Variants in SEMA3B observed in about 807,000 individuals in gnomAD.
SEMA3B encodes semaphorin-3B.
Under a neutral mutation model 77.8 loss-of-function variants are expected in SEMA3B, and 71 were observed. The ratio of observed to expected loss-of-function variants is 0.91; its 90% CI spans 0.75 to 1.11. The LOEUF (loss-of-function observed/expected upper bound fraction) is 1.11, where lower values mean the gene tolerates loss of function less well. Among genes scored for constraint, SEMA3B ranks in the 50% most tolerant of loss-of-function variants. SEMA3B has a pLI of 0.00. For missense variants in SEMA3B, 968 were observed against 1,056.8 expected (o/e 0.92, Z 1.17); for synonymous variants, 470 against 452.9 (o/e 1.04, Z -0.48).
At position 50,271,360 on chromosome 3, in the gene SEMA3B, G is replaced by A. The variant is rs1553705345; in HGVS notation, c.545-1G>A. On this transcript the variant is annotated splice_acceptor_variant, in intron 5 of 16. Transcript: ENST00000616701. LOFTEE classifies it high-confidence loss of function. ...CTGAGTGGCCCTTGCTCTGTCTGCA[G>A]GGGAGGAGCTATACTCAGGGGTGGC... 6.4e-7 allele frequency: 1 copy of A among 1,573,202 alleles called. No individual in the cohort carries two copies. Among genetic ancestry groups the A allele is most frequent in the Admixed American group, 1.9e-5 (1 of 53,528 alleles).
chr3:50,273,949 C>A lies in SEMA3B; in HGVS notation c.1029C>A (p.Ser343Arg). 1.2e-6 allele frequency: 2 copies of A among 1,613,516 alleles called. No homozygotes were observed. The highest frequency in any genetic ancestry group is 1.7e-6 in the Non-Finnish European group (2 of 1,179,612). ...AGGGCTCTGCGGTGTGCGTGTACAG[C>A]ATGAACGACGTGCGCCGGGCCTTCT... is the stretch of plus-strand genomic sequence containing the variant. The part of the protein sequence containing the change: ...IFQGSAVCVY[S>R]MNDVRRAFLG... Residue 343 changes from serine (S) to arginine (R), a missense_variant, in exon 10 of 17, where the codon AGC becomes AGA. Ser to Arg is a moderately radical substitution (Grantham distance 110). Transcript: ENST00000616701. This position sits in a 1 kb window ranked among gnomAD's most constrained non-coding sequence, Gnocchi z 6.5.
rs781930125 is a variant in SEMA3B at position 50,275,657 on chromosome 3, C to T, written c.1705+42C>T. On this transcript the variant is annotated intron_variant, in intron 15 of 16. Coordinates refer to ENST00000616701, the MANE Select transcript of SEMA3B (RefSeq NM_001290060.2). The surrounding 1 kb of genome is among the most constrained non-coding windows in gnomAD (Gnocchi z 7.5). ...CCCCTACCCTCAGCCCCAGAAGACG[C>T]CCCACCTGCCCTGCCTTGCCTAAAT... 1.6e-5 allele frequency: 26 copies of T among 1,613,292 alleles called. No individual in the cohort carries two copies. The Admixed American group carries it at 1.8e-4, about 11-fold the overall frequency.
Position 50,276,541 on chromosome 3 carries a change from G to T in SEMA3B, c.2085G>T (p.Leu695=). 6.5e-7 allele frequency: 1 copy of T among 1,536,406 alleles called. No individual in the cohort carries two copies. Among genetic ancestry groups the T allele is most frequent in the Non-Finnish European group, 8.7e-7 (1 of 1,145,970 alleles). The change falls in exon 17 of 17, where the codon CTG becomes CTT. Residue 695 remains leucine, a synonymous_variant. Transcript: ENST00000616701. The surrounding 1 kb of genome is among the most constrained non-coding windows in gnomAD (Gnocchi z 5.8). ...TCTGGTACCGGGACTTTCTGCAGCTGGTGGAGCCGGGCGGAGGTGGCAGCG... is the reference window on the plus strand; with the variant it reads ...TCTGGTACCGGGACTTTCTGCAGCTTGTGGAGCCGGGCGGAGGTGGCAGCG... The part of the protein sequence containing the change: ...PKLWYRDFLQ[L]VEPGGGGSAN...
At position 50,270,700 on chromosome 3, in the gene SEMA3B, C is replaced by A; in HGVS notation, c.331-190C>A. On this transcript the variant is annotated intron_variant, in intron 3 of 16. Coordinates refer to ENST00000616701, the MANE Select transcript of SEMA3B (RefSeq NM_001290060.2). The surrounding 1 kb of genome is among the most constrained non-coding windows in gnomAD (Gnocchi z 4.7). ...CTGAGTCATGGGAGGCTTTGCAGGC[C>A]TGTGCTTCCCCAGACACCCACCCTC... 5.1e-6 allele frequency: 6 copies of A among 1,175,834 alleles called. No homozygotes were observed. Among genetic ancestry groups the A allele is most frequent in the Non-Finnish European group, 5.9e-6 (5 of 848,504 alleles). The allele number at this position is 1,175,834 out of a possible 1,614,324, so 72.8% of individuals were successfully genotyped here.
In SEMA3B at chr3:50,269,252, C is replaced by T. The variant is rs1309490035; in HGVS notation, c.12C>T (p.Ala4=). The change falls in exon 1 of 17, where the codon GCC becomes GCT. Residue 4 remains alanine, a synonymous_variant. Coordinates refer to ENST00000616701, the MANE Select transcript of SEMA3B (RefSeq NM_001290060.2). This position sits in a 1 kb window ranked among gnomAD's most constrained non-coding sequence, Gnocchi z 4.0. The stretch of plus-strand genomic sequence containing the variant: ...CCTGAGCTGCTGAGATGGGGCGGGC[C>T]GGGGCTGCCGCCGTGATCCCGGGCC... MGR[A]GAAAVIPGLA... 1.2e-5 allele frequency: 18 copies of T among 1,536,380 alleles called. No homozygotes were observed. Among genetic ancestry groups the T allele is most frequent in the East Asian group, 2.4e-5 (1 of 40,906 alleles).
chr3:50,276,084 C>T lies in SEMA3B; in HGVS notation c.1846-218C>T. 1.3e-6 allele frequency: 1 copy of T among 784,126 alleles called. No individual in the cohort carries two copies. Among genetic ancestry groups the T allele is most frequent in the Non-Finnish European group, 1.9e-6 (1 of 514,122 alleles). The allele number at this position is 784,126 out of a possible 1,614,324, so 48.6% of individuals were successfully genotyped here. A position where few individuals can be genotyped will look rare whatever the true frequency, so the allele number is the denominator to read the frequency against. On this transcript the variant is annotated intron_variant, in intron 16 of 16. Coordinates refer to ENST00000616701, the MANE Select transcript of SEMA3B (RefSeq NM_001290060.2). The surrounding 1 kb of genome is among the most constrained non-coding windows in gnomAD (Gnocchi z 5.8). ...CGACCCTCCCATTAAGGTCCCTGAC[C>T]ACCCCCCACCAAGTTCATGTAAACC...
rs376589319 is a variant in SEMA3B, at chr3:50,276,676, G to T, written c.2220G>T (p.Glu740Asp). ...CCCACGCCCCTGAGCCTCGCGCTGA[G>T]CGGGGGCCGCGCAGCGCAACGCACT... ...RRTHAPEPRAERGPRSATHW is the reference protein window; with the variant it reads ...RRTHAPEPRADRGPRSATHW The change falls in exon 17 of 17, where the codon GAG becomes GAT. Residue 740 changes from glutamate to aspartate, a missense_variant. Coordinates refer to ENST00000616701, the MANE Select transcript of SEMA3B (RefSeq NM_001290060.2). The surrounding 1 kb of genome is among the most constrained non-coding windows in gnomAD (Gnocchi z 5.8). 5 of 1,560,170 alleles carry T rather than the reference G, an allele frequency of 3.2e-6. No individual in the cohort carries two copies. The African/African-American group carries it at 6.9e-5, about 22-fold the overall frequency.
rs782403634 is a variant in SEMA3B, at chr3:50,274,352, C to T, written c.1138-11C>T. 2.7e-6 allele frequency: 4 copies of T among 1,492,324 alleles called. No homozygotes were observed. Among genetic ancestry groups the T allele is most frequent in the Non-Finnish European group, 3.6e-6 (4 of 1,120,950 alleles). 92.4% of individuals were successfully genotyped at this position (1,492,324 alleles called of 1,614,324 possible). On this transcript the variant is annotated splice_polypyrimidine_tract_variant and intron_variant, in intron 10 of 16. Coordinates refer to ENST00000616701, the MANE Select transcript of SEMA3B (RefSeq NM_001290060.2). This position sits in a 1 kb window ranked among gnomAD's most constrained non-coding sequence, Gnocchi z 4.7. Reference sequence around the variant, plus strand: ...ATATCCCTGCTGTGCCTCCCTTTCCCCCACCCCCAGTGCCCCAGCAAGACC... The same window carrying T: ...ATATCCCTGCTGTGCCTCCCTTTCCTCCACCCCCAGTGCCCCAGCAAGACC...
chr3:50,270,957 CG>C lies in SEMA3B; in HGVS notation c.401del (p.Gly134GlufsTer28). On this transcript the variant is annotated frameshift_variant, in exon 4 of 17. Coordinates refer to ENST00000616701, the MANE Select transcript of SEMA3B (RefSeq NM_001290060.2). LOFTEE classifies it high-confidence loss of function. The surrounding 1 kb of genome is among the most constrained non-coding windows in gnomAD (Gnocchi z 4.7). ...YNRTHLLACGTGAFHPTCAFV... is the reference protein window; with the variant it reads ...YNRTHLLACGXGAFHPTCAFV... ...CGCACCCATTTGCTGGCCTGTGGCA[CG>C]GGAGCCTTCCACCCAACCTGTGCCT... 5 of 1,611,366 alleles carry C rather than the reference CG, an allele frequency of 3.1e-6. No homozygotes were observed. The highest frequency in any genetic ancestry group is 4.2e-6 in the Non-Finnish European group (5 of 1,178,818).
upstream of SEMA3B, among the ~76,000 whole-genome samples, chr3:50,264,862 G>C (rs899440515): frequency 1.1e-4 from 16 of 152,190 alleles, no homozygotes; most frequent in Admixed American, 8.5e-4. Flanking sequence ...GGCTGGTTGG[G>C]GGGGCTCCCG....
upstream of SEMA3B, among the ~76,000 whole-genome samples, chr3:50,266,152 G>A (rs1700893032): frequency 6.6e-6 from 1 of 152,182 alleles, no homozygotes; most frequent in Admixed American, 6.5e-5. Context: ...GGGGCACAGT[G>A]GGAGTGGATG....
At position 50,277,380 on chromosome 3, in the gene SEMA3B, G is replaced by A. The variant is rs587739336; in HGVS notation, c.*674G>A. On this transcript the variant is annotated 3_prime_UTR_variant, in exon 17 of 17. Transcript: ENST00000616701. ...ATCCCGGCTAACACGGTGAAACCCC[G>A]TCTGTACTAAAAATACAAAAAATTA... is the stretch of plus-strand genomic sequence containing the variant. 2 of 151,976 alleles carry A rather than the reference G, an allele frequency of 1.3e-5. No homozygotes were observed. Among genetic ancestry groups the A allele is most frequent in the East Asian group, 3.9e-4 (2 of 5,136 alleles). 9.4% of individuals were successfully genotyped at this position (151,976 alleles called of 1,614,324 possible). A position where few individuals can be genotyped will look rare whatever the true frequency, so the allele number is the denominator to read the frequency against.
chr3:50,266,009 A>G (rs1430582341), upstream of SEMA3B, among the ~76,000 whole-genome samples: 2 of 152,104 alleles, frequency 1.3e-5, no homozygotes, highest in Non-Finnish European at 2.9e-5. Context: ...AGGCTATTGG[A>G]AAGATAATGG....
chr3:50,275,800 G>A lies in SEMA3B; in HGVS notation c.1801G>A (p.Val601Met), dbSNP rs1452075118. ...TGAGCCCCGCTCGCTGCAGGCGCGCGTGGAGTGGACTTTCCAGCGCGCAGG... is the reference window on the plus strand; with the variant it reads ...TGAGCCCCGCTCGCTGCAGGCGCGCATGGAGTGGACTTTCCAGCGCGCAGG... ...ECEPRSLQARVEWTFQRAGVT... is the reference protein window; with the variant it reads ...ECEPRSLQARMEWTFQRAGVT... The change falls in exon 16 of 17, where the codon GTG becomes ATG. Residue 601 changes from valine to methionine, a missense_variant. Transcript: ENST00000616701. This position sits in a 1 kb window ranked among gnomAD's most constrained non-coding sequence, Gnocchi z 7.5. The A allele has an allele frequency of 6.2e-7, 1 of 1,611,412 alleles. No homozygotes were observed. The highest frequency in any genetic ancestry group is 8.5e-7 in the Non-Finnish European group (1 of 1,179,694).
At chr3:50,266,143 G>C (rs1165637623), upstream of SEMA3B, among the ~76,000 whole-genome samples, 1 of 152,180 alleles carries the variant, frequency 6.6e-6, no homozygotes, top group African/African-American at 2.4e-5. Flanking sequence ...GGGCCTATGG[G>C]GGCACAGTGG....
Position 50,276,460 on chromosome 3 carries a change from C to G in SEMA3B, c.2004C>G (p.Ala668=), listed in dbSNP as rs971983233. The change falls in exon 17 of 17, where the codon GCC becomes GCG. Residue 668 remains alanine, a synonymous_variant. Transcript: ENST00000616701. The surrounding 1 kb of genome is among the most constrained non-coding windows in gnomAD (Gnocchi z 5.8). ...LSLHVLSATQ[A]ERLARAEEAA... The stretch of plus-strand genomic sequence containing the variant: ...TGCACGTGTTGAGTGCTACGCAGGC[C>G]GAACGACTGGCGCGGGCCGAGGAGG... 2.2e-5 allele frequency: 34 copies of G among 1,533,274 alleles called. No individual in the cohort carries two copies. Among genetic ancestry groups the G allele is most frequent in the Non-Finnish European group, 2.8e-5 (32 of 1,144,404 alleles). The allele number at this position is 1,533,274 out of a possible 1,614,324, so 95.0% of individuals were successfully genotyped here. A position where few individuals can be genotyped will look rare whatever the true frequency, so the allele number is the denominator to read the frequency against.
Position 50,271,013 on chromosome 3 carries a change from A to T in SEMA3B, c.450+4A>T, listed in dbSNP as rs782023960. On this transcript the variant is annotated splice_donor_region_variant and intron_variant, in intron 4 of 16. Transcript: ENST00000616701. ...GGAAGTGGGCCACCGGGCAGAGGTA[A>T]GGCCGGATCTAGGCAGGGAGGGAGG... The T allele has an allele frequency of 2.5e-6, 4 of 1,598,728 alleles. No individual in the cohort carries two copies. Among genetic ancestry groups the T allele is most frequent in the Non-Finnish European group, 3.4e-6 (4 of 1,172,740 alleles).
chr3:50,274,055 A>G lies in SEMA3B; in HGVS notation c.1135A>G (p.Met379Val), dbSNP rs781915231. ...QGRVPYPRPG[M>V]CPSKTFGTFS... is the part of the protein sequence containing the mutation. Reference sequence around the variant, plus strand: ...TCGCGTCCCCTACCCGCGGCCAGGCATGGTTCGTAGCCCAGGGACTTCTGC... The same window carrying G: ...TCGCGTCCCCTACCCGCGGCCAGGCGTGGTTCGTAGCCCAGGGACTTCTGC... The change falls in exon 10 of 17, where the codon ATG (methionine) becomes GTG (valine). Residue 379 changes from methionine (M) to valine (V), a missense_variant and splice_region_variant. Met to Val is a conservative substitution (Grantham distance 21, BLOSUM62 1). Transcript: ENST00000616701. This position sits in a 1 kb window ranked among gnomAD's most constrained non-coding sequence, Gnocchi z 4.7. The G allele has an allele frequency of 6.2e-6, 10 of 1,613,338 alleles. No homozygotes were observed. In the East Asian group the frequency reaches 1.8e-4, roughly 29 times the overall value.
rs1701027151 is a variant in SEMA3B at position 50,270,849 on chromosome 3, C to T, written c.331-41C>T. 5 of 1,560,960 alleles carry T rather than the reference C, an allele frequency of 3.2e-6. No homozygotes were observed. Among genetic ancestry groups the T allele is most frequent in the African/African-American group, 1.4e-5 (1 of 73,510 alleles). On this transcript the variant is annotated intron_variant, in intron 3 of 16. Transcript: ENST00000616701. The surrounding 1 kb of genome is among the most constrained non-coding windows in gnomAD (Gnocchi z 4.7). ...ACTGGTGAGCTGGGACCTCTTAAGG[C>T]TACGTCCCTGGGGGAAGCCTCACAC... is the stretch of plus-strand genomic sequence containing the variant.
Sources: gnomAD v4.1 joint callset for allele counts (sites outside exome capture counted in the v4.1 genomes callset) on GRCh38, gnomAD v4.1.1 for gene constraint, Gnocchi (gnomAD v3.1) non-coding constraint, MANE v1.5 for transcripts, NCBI Gene and HGNC (gene_info 2026-07-23, HGNC 2026-07-21) for gene names.